Variants in DNAAF9 observed in about 807,000 individuals in gnomAD.
DNAAF9 encodes dynein axonemal assembly factor 9.
DNAAF9 carries 90 observed loss-of-function variants against 167.0 expected under a neutral mutation model. The observed-to-expected ratio is 0.54, with a 90% CI of 0.45 to 0.64. DNAAF9 has a LOEUF of 0.64. Among genes scored for constraint, DNAAF9 ranks in the 30% least tolerant of loss-of-function variants. The pLI, the probability that DNAAF9 is intolerant of heterozygous loss-of-function variation, is 0.00. For missense variants in DNAAF9, 1,315 were observed against 1,442.2 expected, an observed-to-expected ratio of 0.91 and a Z score of 1.43; for synonymous variants, 491 against 508.8, an observed-to-expected ratio of 0.96 and a Z score of 0.47.
intron 21 of DNAAF9, among the ~76,000 whole-genome samples, chr20:3,300,195 C>T (rs183925407): frequency 4.6e-5 from 7 of 152,242 alleles, no homozygotes; most frequent in South Asian, 2.1e-4. Flanking sequence ...TGAGCCACTG[C>T]GCCCGGCAGC....
At chr20:3,340,452 C>CCCCCCCA in intron 10 of DNAAF9, 52 bp downstream of exon 10, 1 of 864,596 alleles carries the variant, frequency 1.2e-6, no homozygotes, top group Non-Finnish European at 1.6e-6. Flanking sequence ...CCACCCCACC[C>CCCCCCCA]CCACAACTTG....
chr20:3,310,331 GAA>G (rs1555790603), intron 20 of DNAAF9, among the ~76,000 whole-genome samples: 2 of 79,634 alleles, frequency 2.5e-5, no homozygotes, highest in Non-Finnish European at 5.3e-5. Flanking sequence ...GAAAGAGAAA[GAA>G]AAAGAAAGAA....
chr20:3,376,899 C>G (rs1428044384), intron 3 of DNAAF9, among the ~76,000 whole-genome samples: 1 of 152,026 alleles, frequency 6.6e-6, no homozygotes, highest in African/African-American at 2.4e-5. Flanking sequence ...CCCGTCTCTA[C>G]TAAAAACAAA....
At chr20:3,363,521 A>G (rs1257806536) in intron 6 of DNAAF9, among the ~76,000 whole-genome samples, 1 of 149,392 alleles carries the variant, frequency 6.7e-6, no homozygotes, top group Non-Finnish European at 1.5e-5. Context: ...AGATTAATGC[A>G]AAGCAAACTC....
chr20:3,303,575 C>G (rs1357297535), intron 21 of DNAAF9, among the ~76,000 whole-genome samples: 2 of 152,180 alleles, frequency 1.3e-5, no homozygotes, highest in African/African-American at 2.4e-5. Flanking sequence ...TCCAATGTGT[C>G]CAATTGGTCT....
intron 36 of DNAAF9, 129 bp from the exon 37 acceptor site, chr20:3,252,813 C>T (rs2068216556): frequency 1.5e-6 from 1 of 669,490 alleles, no homozygotes; most frequent in African/African-American, 1.8e-5. Flanking sequence ...AGAGAGGGAA[C>T]CTGATGGACT....
chr20:3,308,899 C>G (rs1372142665), intron 20 of DNAAF9, among the ~76,000 whole-genome samples: 1 of 152,112 alleles, frequency 6.6e-6, no homozygotes, highest in Non-Finnish European at 1.5e-5. Context: ...GCTAAGCTCT[C>G]TGGTAGCTCT....
intron 28 of DNAAF9, among the ~76,000 whole-genome samples, chr20:3,280,042 G>A (rs2068739550): frequency 6.6e-6 from 1 of 152,144 alleles, no homozygotes; most frequent in African/African-American, 2.4e-5. Flanking sequence ...TTTGGTAGAT[G>A]AGCTGGGTGA....
Position 3,376,276 on chromosome 20 carries a change from T to C in DNAAF9, c.310A>G (p.Ser104Gly). The change falls in exon 4 of 37, where the codon AGC becomes GGC. Residue 104 changes from serine to glycine, a missense_variant. Physicochemically the swap from Ser to Gly is moderately conservative, Grantham distance 56. Coordinates refer to ENST00000252032, the MANE Select transcript of DNAAF9 (RefSeq NM_001009984.3). ...ACAGGATTACAGTACAGATGGACGC[T>C]ATCCGATTTAATCAATATAATTACA... ...DDVIILIKSD[S>G]VHLYCNPVNF... The C allele has an allele frequency of 6.2e-7, 1 of 1,611,234 alleles. No homozygotes were observed. Among genetic ancestry groups the C allele is most frequent in the Non-Finnish European group, 8.5e-7 (1 of 1,178,428 alleles).
At chr20:3,402,951 C>T (rs76520813) in intron 1 of DNAAF9, among the ~76,000 whole-genome samples, 6,578 of 152,242 alleles carry the variant, frequency 0.043, 205 homozygotes, top group African/African-American at 0.089. Context: ...AATCTGGAAA[C>T]GTATGTCCTT....
At chr20:3,282,297 C>T (rs571533641) in intron 27 of DNAAF9, among the ~76,000 whole-genome samples, 2 of 152,302 alleles carry the variant, frequency 1.3e-5, no homozygotes, top group South Asian at 2.1e-4. Context: ...ATGGACTCTA[C>T]TCTTTCAGAT....
At chr20:3,289,647 GTAGCTGGGACTA>G (rs1235383103) in intron 26 of DNAAF9, among the ~76,000 whole-genome samples, 1 of 152,074 alleles carries the variant, frequency 6.6e-6, no homozygotes, top group East Asian at 1.9e-4. Context: ...AGCCTCCCGA[GTAGCTGGGACTA>G]TAGGTGCATG....
chr20:3,338,150 C>A (rs1485591651), intron 10 of DNAAF9, among the ~76,000 whole-genome samples: 1 of 151,480 alleles, frequency 6.6e-6, no homozygotes, highest in African/African-American at 2.4e-5. Context: ...CAGGACAGAT[C>A]TGCTAGTGAT....
chr20:3,283,078 C>T (rs541838670), intron 27 of DNAAF9, among the ~76,000 whole-genome samples: 1 of 152,328 alleles, frequency 6.6e-6, no homozygotes, highest in East Asian at 1.9e-4. Flanking sequence ...GATGTTCAAC[C>T]CTGAGCAGGC....
intron 6 of DNAAF9, among the ~76,000 whole-genome samples, chr20:3,362,828 T>C (rs182433049): frequency 1.3e-5 from 2 of 152,202 alleles, no homozygotes; most frequent in East Asian, 3.8e-4. Context: ...TTCTTTGACA[T>C]CATCCTGGAG....
chr20:3,304,180 TG>T (rs1268208759), intron 21 of DNAAF9, among the ~76,000 whole-genome samples: 2 of 152,294 alleles, frequency 1.3e-5, no homozygotes, highest in African/African-American at 2.4e-5. Flanking sequence ...GAATTGGGCA[TG>T]GGGAGCTGCT....
intron 16 of DNAAF9, 130 bp from the exon 17 acceptor site, chr20:3,318,530 C>G (rs2069551040): frequency 1.7e-6 from 1 of 574,812 alleles, no homozygotes; most frequent in African/African-American, 1.9e-5. Context: ...CTAGGGAAAA[C>G]TGGAGTTATC....
chr20:3,353,673 A>G (rs2123155918), intron 7 of DNAAF9, among the ~76,000 whole-genome samples: 1 of 139,882 alleles, frequency 7.1e-6, no homozygotes, highest in African/African-American at 2.6e-5. Flanking sequence ...ATTAATACAG[A>G]ACACACTGTG....
chr20:3,324,881 C>A lies in DNAAF9; in HGVS notation c.1265+11G>T. ...AAAAATTCCTTATAAAAAATATCAG[C>A]CATTGCTTACCGCAGGGCTGCCTTA... On this transcript the variant is annotated intron_variant, in intron 14 of 36. Coordinates refer to ENST00000252032, the MANE Select transcript of DNAAF9 (RefSeq NM_001009984.3). 1.4e-6 allele frequency: 2 copies of A among 1,455,694 alleles called. No individual in the cohort carries two copies. The highest frequency in any genetic ancestry group is 2.3e-5 in the East Asian group (1 of 44,118). 90.2% of individuals were successfully genotyped at this position (1,455,694 alleles called of 1,614,324 possible).
Sources: gnomAD v4.1 joint callset for allele counts (sites outside exome capture counted in the v4.1 genomes callset) on GRCh38, gnomAD v4.1.1 for gene constraint, MANE v1.5 for transcripts, NCBI Gene and HGNC (gene_info 2026-07-23, HGNC 2026-07-21) for gene names.